POF1B: variants seen among roughly 807,000 people sequenced by gnomAD.
POF1B encodes POF1B actin binding protein, also known as protein POF1B.
POF1B carries 53 observed loss-of-function variants against 55.3 expected under a neutral mutation model. That is an observed-to-expected ratio of 0.96 (90% CI 0.77 to 1.20). POF1B has a LOEUF of 1.20. POF1B is among the 50% of genes most tolerant of loss of function. The probability of loss-of-function intolerance (pLI) is 0.00; values close to 1 mark genes in which losing one functional copy is unlikely to be tolerated. For synonymous variants in POF1B, 188 were observed against 148.3 expected, an observed-to-expected ratio of 1.27 and a Z score of -1.95; for missense variants, 478 against 420.5, an observed-to-expected ratio of 1.14 and a Z score of -1.20.
At chrX:85,366,445 T>G (rs1354186617) in intron 3 of POF1B, among the ~76,000 whole-genome samples, 1 of 111,777 alleles carries the variant, frequency 8.9e-6, no homozygotes, top group Non-Finnish European at 1.9e-5. Context: ...GTGATTTTTG[T>G]TTTTGCTTCT....
At chrX:85,293,728 C>A (rs1220347994) in intron 15 of POF1B, among the ~76,000 whole-genome samples, 1 of 111,896 alleles carries the variant, frequency 8.9e-6, no homozygotes, top group Non-Finnish European at 1.9e-5. Flanking sequence ...AATCCCAGCA[C>A]TTTGGGAGGC....
chrX:85,301,722 G>T (rs752506238), intron 15 of POF1B, among the ~76,000 whole-genome samples: 2 of 112,003 alleles, frequency 1.8e-5, no homozygotes, highest in Non-Finnish European at 3.8e-5. Flanking sequence ...TTACACAGAA[G>T]AAGGCAGGAA....
At position 85,310,455 on chromosome X, in the gene POF1B, C is replaced by G. The variant is rs186628270; in HGVS notation, c.958-2239G>C. Among the ~76,000 whole-genome samples, 6 of 111,776 alleles carry G rather than the reference C, an allele frequency of 5.4e-5. No individual in the cohort carries two copies. The East Asian group carries it at 1.1e-3, about 21-fold the overall frequency. ...CAAAAACCAAACCAAAACAACAAAG[C>G]TCTCAAGGAGTGGGCTAAAAAGCAG... On this transcript the variant is annotated intron_variant, in intron 9 of 16. Transcript: ENST00000262753.
chrX:85,304,647 T>C (rs1290907859), intron 13 of POF1B, among the ~76,000 whole-genome samples, 176 bp from the exon 14 acceptor site: 3 of 111,109 alleles, frequency 2.7e-5, no homozygotes, highest in Non-Finnish European at 1.9e-5. Context: ...GAAATGCCAA[T>C]TACAAATTTC....
intron 4 of POF1B, among the ~76,000 whole-genome samples, chrX:85,357,056 T>G (rs1933516590): frequency 9.0e-6 from 1 of 111,329 alleles, no homozygotes; most frequent in Non-Finnish European, 1.9e-5. Context: ...AATATTTTCA[T>G]TTTCCTCAAC....
intron 15 of POF1B, among the ~76,000 whole-genome samples, chrX:85,285,723 C>G (rs1226313973): frequency 9.1e-6 from 1 of 110,046 alleles, no homozygotes; most frequent in Admixed American, 9.7e-5. Context: ...ATGGGTGCAG[C>G]ACACCAACAT....
intron 3 of POF1B, among the ~76,000 whole-genome samples, chrX:85,365,200 C>T (rs1486491167): frequency 9.0e-6 from 1 of 111,579 alleles, no homozygotes; most frequent in Non-Finnish European, 1.9e-5. Flanking sequence ...TTTTGCCATT[C>T]TCCTAAATCT....
intron 3 of POF1B, among the ~76,000 whole-genome samples, chrX:85,365,226 C>A (rs185366240): frequency 3.5e-4 from 39 of 111,797 alleles, no homozygotes; most frequent in Non-Finnish European, 5.8e-4. Context: ...ATCTTTATTT[C>A]TATCCATATT....
chrX:85,320,859 C>T (rs1932830336), intron 7 of POF1B, among the ~76,000 whole-genome samples: 1 of 110,585 alleles, frequency 9.0e-6, no homozygotes, highest in African/African-American at 3.3e-5. Context: ...GGATAAATTC[C>T]TCGACACATA....
intron 15 of POF1B, among the ~76,000 whole-genome samples, chrX:85,289,648 A>G (rs1000173523): frequency 8.9e-6 from 1 of 112,007 alleles, no homozygotes; most frequent in Non-Finnish European, 1.9e-5. Context: ...CAAACAAACA[A>G]AAAAACCAAA....
At position 85,327,421 on chromosome X, in the gene POF1B, A is replaced by G. The variant is rs1039643811; in HGVS notation, c.854+3528T>C. On this transcript the variant is annotated intron_variant, in intron 7 of 16. Transcript: ENST00000262753. ...GTAATACATTGCCTACAGAGACAAG[A>G]GGGTCACTTACTGTGCAAAACCTCT... is the stretch of plus-strand genomic sequence containing the variant. 4.5e-5 allele frequency among the ~76,000 whole-genome samples: 5 copies of G among 111,903 alleles called. No individual in the cohort carries two copies. In the Admixed American group the frequency reaches 4.7e-4, roughly 11 times the overall value.
At chrX:85,283,824 G>T (rs1931967894) in intron 15 of POF1B, among the ~76,000 whole-genome samples, 1 of 110,679 alleles carries the variant, frequency 9.0e-6, no homozygotes, top group Non-Finnish European at 1.9e-5. Context: ...ATTATTCAAA[G>T]AACAAAAATC....
At chrX:85,315,000 G>GCCA (rs1267941735) in intron 8 of POF1B, among the ~76,000 whole-genome samples, 1 of 111,213 alleles carries the variant, frequency 9.0e-6, no homozygotes, top group Non-Finnish European at 1.9e-5. Context: ...TTATGATGTT[G>GCCA]CCACCACAAC....
At chrX:85,375,384 G>A (rs1037611565) in intron 2 of POF1B, among the ~76,000 whole-genome samples, 3 of 111,064 alleles carry the variant, frequency 2.7e-5, no homozygotes, top group Admixed American at 9.6e-5. Flanking sequence ...CACACACACC[G>A]TGACAGCTTA....
rs1046858076 is a variant in POF1B, at chrX:85,277,849, C to T, written c.*1572G>A. The T allele has an allele frequency of 1.8e-5, 2 of 111,013 alleles. No individual in the cohort carries two copies. The highest frequency in any genetic ancestry group is 3.8e-5 in the Non-Finnish European group (2 of 52,568). The allele number at this position is 111,013 out of a possible 1,213,427, so 9.1% of individuals were successfully genotyped here. Reference sequence around the variant, plus strand: ...ACAATTTCCTACTAAGCTAATAAAACTTCCCCTTATATTATTTGTAATGTG... The same window carrying T: ...ACAATTTCCTACTAAGCTAATAAAATTTCCCCTTATATTATTTGTAATGTG... On this transcript the variant is annotated 3_prime_UTR_variant, in exon 17 of 17. Transcript: ENST00000262753.
At chrX:85,335,736 G>T (rs977023837) in intron 6 of POF1B, among the ~76,000 whole-genome samples, 1 of 109,130 alleles carries the variant, frequency 9.2e-6, no homozygotes, top group Admixed American at 9.8e-5. Flanking sequence ...TATAGTAGAT[G>T]TACATATTTA....
chrX:85,370,416 T>G (rs773951187), intron 2 of POF1B, among the ~76,000 whole-genome samples: 155 of 111,570 alleles, frequency 1.4e-3, no homozygotes, highest in Non-Finnish European at 2.6e-3. Context: ...GCAACCCTCA[T>G]GGAAACATTA....
chrX:85,347,066 A>G (rs780818471), intron 5 of POF1B, among the ~76,000 whole-genome samples: 1 of 110,955 alleles, frequency 9.0e-6, no homozygotes, highest in Admixed American at 9.6e-5. Context: ...TTTTTCTGGT[A>G]AGTATAGAGC....
intron 15 of POF1B, among the ~76,000 whole-genome samples, chrX:85,297,144 C>T (rs1470601396): frequency 8.9e-6 from 1 of 111,757 alleles, no homozygotes; most frequent in Non-Finnish European, 1.9e-5. Context: ...TTACTGGATA[C>T]CTTGGATTGG....
Sources: allele counts gnomAD v4.1 joint callset (sites outside exome capture counted in the v4.1 genomes callset), GRCh38; gene constraint gnomAD v4.1.1; transcripts MANE v1.5; gene names NCBI Gene and HGNC (gene_info 2026-07-23, HGNC 2026-07-21).